The following BMPR1A variants were observed in gnomAD, a reference collection of about 807,000 sequenced individuals.
BMPR1A encodes the protein bone morphogenetic protein receptor type 1A.
In BMPR1A, 7 loss-of-function variants were observed where a neutral mutation model predicts 66.0. The ratio of observed to expected loss-of-function variants is 0.11; its 90% CI spans 0.06 to 0.20. The LOEUF is 0.20. BMPR1A is among the 10% of genes least tolerant of loss of function. The probability of loss-of-function intolerance (pLI) is 1.00; values close to 1 mark genes in which losing one functional copy is unlikely to be tolerated. For synonymous variants in BMPR1A, 200 were observed against 229.7 expected, an observed-to-expected ratio of 0.87 and a Z score of 1.17; for missense variants, 408 against 669.1, an observed-to-expected ratio of 0.61 and a Z score of 4.31.
chr10:86,906,446 G>A lies in BMPR1A; in HGVS notation c.531-5794G>A, dbSNP rs150983109. On this transcript the variant is annotated intron_variant, in intron 7 of 12. Transcript: ENST00000372037. ...AAACACTTTGTCCTTTTGGCTGGGC[G>A]CGGTGGCTCACGCCTGTAATCCCAG... Among the ~76,000 whole-genome samples, 67 of 41,396 alleles carry A rather than the reference G, an allele frequency of 1.6e-3. 20 individuals are homozygous for A. Among genetic ancestry groups the A allele is most frequent in the African/African-American group, 2.8e-3 (9 of 3,266 alleles). The allele number at this position is 41,396 out of a possible 152,430, so 27.2% of individuals were successfully genotyped here.
At chr10:86,839,365 G>A (rs569218647) in intron 2 of BMPR1A, among the ~76,000 whole-genome samples, 1 of 152,218 alleles carries the variant, frequency 6.6e-6, no homozygotes, top group Admixed American at 6.5e-5. Context: ...GGCTGAGGCA[G>A]GTGGGTCACA....
At chr10:86,825,074 G>T (rs1842174034) in intron 1 of BMPR1A, among the ~76,000 whole-genome samples, 1 of 145,246 alleles carries the variant, frequency 6.9e-6, no homozygotes, top group East Asian at 2.2e-4. Flanking sequence ...ATTTAGAAAT[G>T]ACATTCTTTT....
intron 11 of BMPR1A, 73 bp downstream of exon 11, chr10:86,921,768 CTTTTTAG>C: frequency 6.2e-7 from 1 of 1,600,158 alleles, no homozygotes; most frequent in South Asian, 1.1e-5. Flanking sequence ...AGTTATATAA[CTTTTTAG>C]TTTTTAATTT....
At chr10:86,773,366 A>G (rs1303608638) in intron 1 of BMPR1A, among the ~76,000 whole-genome samples, 1 of 152,054 alleles carries the variant, frequency 6.6e-6, no homozygotes, top group African/African-American at 2.4e-5. Context: ...AGGCGGGTGG[A>G]TCACCTGAGG....
rs748515167 is a variant in BMPR1A, at chr10:86,890,091, A to G, written c.97A>G (p.Thr33Ala). 1.1e-5 allele frequency: 17 copies of G among 1,613,430 alleles called. No homozygotes were observed. The highest frequency in any genetic ancestry group is 6.7e-5 in the Admixed American group (4 of 60,008). The change falls in exon 4 of 13, where the codon ACT becomes GCT. Residue 33 changes from threonine (T) to alanine (A), a missense_variant. Around this residue, in one of 5 missense-constraint regions of BMPR1A, gnomAD observed 68 missense variants for 83.0 expected, o/e 0.82. Coordinates refer to ENST00000372037, the MANE Select transcript of BMPR1A (RefSeq NM_004329.3). ...GQNLDSMLHG[T>A]GMKSDSDQKK... ...GAATCTGGATAGTATGCTTCATGGCACTGGGATGAAATCAGACTCCGACCA... is the reference window on the plus strand; with the variant it reads ...GAATCTGGATAGTATGCTTCATGGCGCTGGGATGAAATCAGACTCCGACCA...
chr10:86,901,902 T>G (rs899234298), intron 7 of BMPR1A, among the ~76,000 whole-genome samples: 7 of 115,762 alleles, frequency 6.0e-5, no homozygotes, highest in African/African-American at 3.3e-4. Flanking sequence ...TCTCACTCTG[T>G]CTCCCAGGTG....
At chr10:86,836,941 A>T (rs2133099676) in intron 1 of BMPR1A, among the ~76,000 whole-genome samples, 1 of 152,110 alleles carries the variant, frequency 6.6e-6, no homozygotes, top group African/African-American at 2.4e-5. Flanking sequence ...TCAAAAAAGA[A>T]AAAGAAGAAA....
At chr10:86,901,331 TTGG>T (rs1362057520) in intron 7 of BMPR1A, among the ~76,000 whole-genome samples, 2 of 152,252 alleles carry the variant, frequency 1.3e-5, no homozygotes, top group Non-Finnish European at 2.9e-5. Context: ...GCCACTCAGT[TTGG>T]GAGTGATTTG....
chr10:86,855,592 T>C (rs1842629692), intron 2 of BMPR1A: 1 of 579,538 alleles, frequency 1.7e-6, no homozygotes, highest in Non-Finnish European at 3.1e-6. Context: ...AAAAGTACTA[T>C]TTGAAGAACT....
chr10:86,824,674 G>A (rs1218577780), intron 1 of BMPR1A, among the ~76,000 whole-genome samples: 1 of 152,114 alleles, frequency 6.6e-6, no homozygotes, highest in Non-Finnish European at 1.5e-5. Context: ...GTAACTTCTA[G>A]AATTTTGTTA....
At chr10:86,825,254 C>A (rs1211128438) in intron 1 of BMPR1A, among the ~76,000 whole-genome samples, 4 of 151,756 alleles carry the variant, frequency 2.6e-5, no homozygotes, top group African/African-American at 9.7e-5. Flanking sequence ...CAGGGTTAGC[C>A]ACCAGCACCC....
In BMPR1A at chr10:86,924,452, G is replaced by A; in HGVS notation, c.*733G>A. ...AGCTTTATTTTTTAACATGAAAGCT[G>A]ATGCCAAGGCCAAAAGAAGTTTAAA... On this transcript the variant is annotated 3_prime_UTR_variant, in exon 13 of 13. Transcript: ENST00000372037. 4.3e-6 allele frequency: 1 copy of A among 233,724 alleles called. No individual in the cohort carries two copies. Among genetic ancestry groups the A allele is most frequent in the East Asian group, 6.0e-5 (1 of 16,582 alleles). 14.5% of individuals were successfully genotyped at this position (233,724 alleles called of 1,614,324 possible). A position where few individuals can be genotyped will look rare whatever the true frequency, so the allele number is the denominator to read the frequency against.
At chr10:86,919,670 AT>A (rs1202763704) in intron 10 of BMPR1A, among the ~76,000 whole-genome samples, 6 of 150,494 alleles carry the variant, frequency 4.0e-5, no homozygotes, top group East Asian at 3.9e-4. Context: ...ATATATATAT[AT>A]TTTTTTGGTG....
chr10:86,908,861 A>C (rs549068187), intron 7 of BMPR1A, among the ~76,000 whole-genome samples: 3 of 152,188 alleles, frequency 2.0e-5, no homozygotes, highest in Non-Finnish European at 4.4e-5. Flanking sequence ...TCCTATGCCC[A>C]CAAGGAGAGA....
rs111583855 is a variant in BMPR1A, at chr10:86,925,882, C to T, written c.*2163C>T. The T allele has an allele frequency of 1.8e-4, 30 of 163,076 alleles. No individual in the cohort carries two copies. Among genetic ancestry groups the T allele is most frequent in the Admixed American group, 3.9e-4 (6 of 15,518 alleles). The allele number at this position is 163,076 out of a possible 1,614,324, so 10.1% of individuals were successfully genotyped here. ...AGCTGGGACTACAGGCGCCCGCCACCGCGCCCGGCTAATTTTTTGTATTTT... is the reference window on the plus strand; with the variant it reads ...AGCTGGGACTACAGGCGCCCGCCACTGCGCCCGGCTAATTTTTTGTATTTT... On this transcript the variant is annotated 3_prime_UTR_variant, in exon 13 of 13. Transcript: ENST00000372037.
intron 8 of BMPR1A, among the ~76,000 whole-genome samples, chr10:86,915,942 T>C (rs1482445887): frequency 2.0e-5 from 3 of 152,208 alleles, no homozygotes; most frequent in Non-Finnish European, 4.4e-5. Flanking sequence ...TCTGATATTG[T>C]CCCAAATAAA....
intron 1 of BMPR1A, among the ~76,000 whole-genome samples, chr10:86,809,441 C>T (rs1341311579): frequency 6.6e-6 from 1 of 151,924 alleles, no homozygotes; most frequent in African/African-American, 2.4e-5. Flanking sequence ...AGGTGCGTGC[C>T]ATCACACCTA....
chr10:86,789,044 A>G (rs542594184), intron 1 of BMPR1A, among the ~76,000 whole-genome samples: 28 of 152,330 alleles, frequency 1.8e-4, no homozygotes, highest in African/African-American at 6.5e-4. Context: ...GTGTCAGGAC[A>G]ATTCTAAGAC....
At chr10:86,865,155 C>T (rs973695692) in intron 2 of BMPR1A, among the ~76,000 whole-genome samples, 2 of 152,228 alleles carry the variant, frequency 1.3e-5, no homozygotes, top group East Asian at 1.9e-4. Context: ...AATGAATATG[C>T]CCTGCCCCAC....
Sources: gnomAD v4.1 joint callset for allele counts (sites outside exome capture counted in the v4.1 genomes callset) on GRCh38, gnomAD v4.1.1 for gene constraint, gnomAD v4.1.1 regional missense constraint, MANE v1.5 for transcripts, NCBI Gene and HGNC (gene_info 2026-07-23, HGNC 2026-07-21) for gene names.